The following CX3CL1 variants were observed in gnomAD, a reference collection of about 807,000 sequenced individuals.
CX3CL1 encodes the protein C-X3-C motif chemokine ligand 1.
In CX3CL1, 1 loss-of-function variant was observed where a neutral mutation model predicts 14.1. That is an observed-to-expected ratio of 0.07 (90% confidence interval 0.03 to 0.34). The LOEUF is 0.34. CX3CL1 is among the 10% of genes least tolerant of loss of function. The probability of loss-of-function intolerance (pLI) is 0.99; values close to 1 mark genes in which losing one functional copy is unlikely to be tolerated. For missense variants in CX3CL1, 505 were observed against 536.4 expected, an observed-to-expected ratio of 0.94 and a Z score of 0.58; for synonymous variants, 255 against 229.6, an observed-to-expected ratio of 1.11 and a Z score of -1.00.
intron 2 of CX3CL1, 56 bp downstream of exon 2, chr16:57,379,810 A>C: frequency 6.9e-6 from 11 of 1,597,810 alleles, no homozygotes; most frequent in Non-Finnish European, 9.4e-6. Context: ...GAATATTCCC[A>C]GACCTCTGAG....
In CX3CL1 at chr16:57,382,762, C is replaced by G; in HGVS notation, c.924C>G (p.Thr308=). 1.2e-6 allele frequency: 2 copies of G among 1,611,306 alleles called. No individual in the cohort carries two copies. Among genetic ancestry groups the G allele is most frequent in the Non-Finnish European group, 1.7e-6 (2 of 1,179,444 alleles). The part of the protein sequence containing the change: ...SREPVASGSW[T]PKAEEPIHAT... ...AGCCAGTGGCTTCAGGCAGCTGGAC[C>G]CCTAAGGCTGAGGAACCCATCCATG... The change falls in exon 3 of 3, where the codon ACC becomes ACG. Residue 308 remains threonine (T), a synonymous_variant. Transcript: ENST00000006053. The surrounding 1 kb of genome is among the most constrained non-coding windows in gnomAD (Gnocchi z 6.9).
At chr16:57,373,822 G>A (rs1202483684) in intron 1 of CX3CL1, among the ~76,000 whole-genome samples, 1 of 152,150 alleles carries the variant, frequency 6.6e-6, no homozygotes, top group East Asian at 1.9e-4. Context: ...GCCTCCTCTG[G>A]TCCCAGTTGC....
chr16:57,382,758 G>T lies in CX3CL1; in HGVS notation c.920G>T (p.Trp307Leu). 3.7e-6 allele frequency: 6 copies of T among 1,611,588 alleles called. No individual in the cohort carries two copies. The highest frequency in any genetic ancestry group is 5.1e-6 in the Non-Finnish European group (6 of 1,179,670). ...AGGGAGCCAGTGGCTTCAGGCAGCT[G>T]GACCCCTAAGGCTGAGGAACCCATC... ...PSREPVASGS[W>L]TPKAEEPIHA... is the part of the protein sequence containing the mutation. Residue 307 changes from tryptophan (W) to leucine (L), a missense_variant, in exon 3 of 3, where the codon TGG becomes TTG. Physicochemically the swap from Trp to Leu is moderately conservative, Grantham distance 61 (BLOSUM62 -2). Transcript: ENST00000006053. The surrounding 1 kb of genome is among the most constrained non-coding windows in gnomAD (Gnocchi z 6.9).
chr16:57,379,551 T>C, intron 1 of CX3CL1, 83 bp from the exon 2 acceptor site: 1 of 1,569,716 alleles, frequency 6.4e-7, no homozygotes, highest in Non-Finnish European at 8.7e-7. Flanking sequence ...GCTTGGGTGG[T>C]GTGGCCGGGA....
intron 2 of CX3CL1, 73 bp from the exon 3 acceptor site, chr16:57,381,957 G>A: frequency 1.4e-6 from 2 of 1,470,532 alleles, no homozygotes; most frequent in South Asian, 1.3e-5. Flanking sequence ...TATTGGTGCT[G>A]TGCCCCCACA....
intron 2 of CX3CL1, among the ~76,000 whole-genome samples, chr16:57,380,333 G>A (rs902626759): frequency 1.3e-5 from 2 of 152,188 alleles, no homozygotes; most frequent in African/African-American, 4.8e-5. Flanking sequence ...CGAGGTTGGT[G>A]GATCACTTGA....
Position 57,382,109 on chromosome 16 carries a change from C to A in CX3CL1, c.271C>A (p.Arg91Ser), listed in dbSNP as rs200050506. The change falls in exon 3 of 3, where the codon CGC becomes AGC. Residue 91 changes from arginine (R) to serine (S), a missense_variant. Transcript: ENST00000006053. This position sits in a 1 kb window ranked among gnomAD's most constrained non-coding sequence, Gnocchi z 6.9. The stretch of plus-strand genomic sequence containing the variant: ...CAAGGACGCGATGCAGCATCTGGAC[C>A]GCCAGGCTGCTGCCCTAACTCGAAA... ...WVKDAMQHLDRQAAALTRNGG... is the reference protein window; with the variant it reads ...WVKDAMQHLDSQAAALTRNGG... 1.8e-5 allele frequency: 29 copies of A among 1,613,996 alleles called. No homozygotes were observed. The Admixed American group carries it at 3.5e-4, about 19-fold the overall frequency.
chr16:57,378,520 G>C (rs1308675456), intron 1 of CX3CL1: 1 of 150,592 alleles, frequency 6.6e-6, no homozygotes, highest in East Asian at 2.0e-4. Flanking sequence ...CTTTAGTGCA[G>C]TGGTATGATC....
chr16:57,382,401 T>C lies in CX3CL1; in HGVS notation c.563T>C (p.Val188Ala), dbSNP rs1334158858. 5 of 1,612,012 alleles carry C rather than the reference T, an allele frequency of 3.1e-6. No homozygotes were observed. In the African/African-American group the frequency reaches 6.7e-5, roughly 22 times the overall value. Residue 188 changes from valine (V) to alanine (A), a missense_variant, in exon 3 of 3, where the codon GTG becomes GCG. Val to Ala is a moderately conservative substitution (Grantham distance 64, BLOSUM62 0). Coordinates refer to ENST00000006053, the MANE Select transcript of CX3CL1 (RefSeq NM_002996.6). The surrounding 1 kb of genome is among the most constrained non-coding windows in gnomAD (Gnocchi z 6.9). ...GGPVGTELFR[V>A]PPVSTAATWQ... ...CCTGTGGGCACGGAGCTTTTCCGAG[T>C]GCCTCCCGTCTCCACTGCCGCCACG...
chr16:57,377,820 G>A (rs1044758786), intron 1 of CX3CL1: 2 of 152,086 alleles, frequency 1.3e-5, no homozygotes, highest in Non-Finnish European at 2.9e-5. Flanking sequence ...CCTTGACTCA[G>A]ATCTGAAACT....
In CX3CL1 at chr16:57,384,539, C is replaced by A; in HGVS notation, c.*1507C>A. 6.6e-6 allele frequency: 1 copy of A among 152,472 alleles called. No homozygotes were observed. The highest frequency in any genetic ancestry group is 1.5e-5 in the Non-Finnish European group (1 of 68,182). 9.4% of individuals were successfully genotyped at this position (152,472 alleles called of 1,614,324 possible). A position where few individuals can be genotyped will look rare whatever the true frequency, so the allele number is the denominator to read the frequency against. On this transcript the variant is annotated 3_prime_UTR_variant, in exon 3 of 3. Coordinates refer to ENST00000006053, the MANE Select transcript of CX3CL1 (RefSeq NM_002996.6). ...GATTGTCCCCGACCCTTGCCGTCTA[C>A]CTGAGGGGCCTCTTATGGGCTGGGT... is the stretch of plus-strand genomic sequence containing the variant.
At chr16:57,380,065 C>T (rs776579001) in intron 2 of CX3CL1, among the ~76,000 whole-genome samples, 11 of 152,316 alleles carry the variant, frequency 7.2e-5, no homozygotes, top group East Asian at 1.9e-4. Flanking sequence ...ACCCCACACT[C>T]GAACCCACTA....
Position 57,382,335 on chromosome 16 carries a change from G to A in CX3CL1, c.497G>A (p.Gly166Glu), listed in dbSNP as rs1190884327. ...CCGACGGGCGTGACTGGTTCCTCAG[G>A]GACCAGGCTCCCCCCGACGCCAAAG... The part of the protein sequence containing the change: ...ELPTGVTGSS[G>E]TRLPPTPKAQ... Residue 166 changes from glycine (G) to glutamate (E), a missense_variant, in exon 3 of 3, where the codon GGG becomes GAG. Coordinates refer to ENST00000006053, the MANE Select transcript of CX3CL1 (RefSeq NM_002996.6). This position sits in a 1 kb window ranked among gnomAD's most constrained non-coding sequence, Gnocchi z 6.9. 5.6e-6 allele frequency: 9 copies of A among 1,604,026 alleles called. No homozygotes were observed. The highest frequency in any genetic ancestry group is 1.7e-5 in the Admixed American group (1 of 59,196).
chr16:57,374,263 T>C (rs1397813963), intron 1 of CX3CL1, among the ~76,000 whole-genome samples: 1 of 147,060 alleles, frequency 6.8e-6, no homozygotes, highest in Non-Finnish European at 1.5e-5. Context: ...GGCTGGGGGG[T>C]TCGTAGCTGC....
chr16:57,375,272 G>A (rs1268818801), intron 1 of CX3CL1, among the ~76,000 whole-genome samples: 44 of 152,202 alleles, frequency 2.9e-4, no homozygotes, highest in Non-Finnish European at 2.9e-5. Context: ...GCGGGGTGAG[G>A]GCGGGAGCCA....
At chr16:57,381,488 CAA>C (rs1346911237) in intron 2 of CX3CL1, among the ~76,000 whole-genome samples, 1 of 152,116 alleles carries the variant, frequency 6.6e-6, no homozygotes, top group Non-Finnish European at 1.5e-5. Context: ...ACAAGACTCA[CAA>C]AGTCTCATAA....
In CX3CL1 at chr16:57,382,982, T is replaced by C. The variant is rs772370564; in HGVS notation, c.1144T>C (p.Tyr382His). 3.2e-5 allele frequency: 48 copies of C among 1,504,946 alleles called. No homozygotes were observed. Among genetic ancestry groups the C allele is most frequent in the Non-Finnish European group, 3.9e-5 (44 of 1,124,712 alleles). The allele number at this position is 1,504,946 out of a possible 1,614,324, so 93.2% of individuals were successfully genotyped here. Residue 382 changes from tyrosine (Y) to histidine (H), a missense_variant, in exon 3 of 3, where the codon TAC (tyrosine) becomes CAC (histidine). Physicochemically the swap from Tyr to His is moderately conservative, Grantham distance 83 (BLOSUM62 2). Coordinates refer to ENST00000006053, the MANE Select transcript of CX3CL1 (RefSeq NM_002996.6). The surrounding 1 kb of genome is among the most constrained non-coding windows in gnomAD (Gnocchi z 6.9). ...AGGAGAGATGGCGGAGGGCCTTCGCTACATCCCCCGGAGCTGTGGTAGTAA... is the reference window on the plus strand; with the variant it reads ...AGGAGAGATGGCGGAGGGCCTTCGCCACATCCCCCGGAGCTGTGGTAGTAA... Reference protein sequence around the residue: ...MAGEMAEGLRYIPRSCGSNSY... With the variant: ...MAGEMAEGLRHIPRSCGSNSY...
chr16:57,382,736 G>C lies in CX3CL1; in HGVS notation c.898G>C (p.Glu300Gln). The C allele has an allele frequency of 6.2e-7, 1 of 1,612,676 alleles. No homozygotes were observed. Among genetic ancestry groups the C allele is most frequent in the Non-Finnish European group, 8.5e-7 (1 of 1,179,706 alleles). ...CTCCTCAGAAGGGACCCCCAGCAGG[G>C]AGCCAGTGGCTTCAGGCAGCTGGAC... ...PVSSEGTPSR[E>Q]PVASGSWTPK... The change falls in exon 3 of 3, where the codon GAG becomes CAG. Residue 300 changes from glutamate to glutamine, a missense_variant. By Grantham distance (29) the Glu-to-Gln change is conservative (BLOSUM62 2). Transcript: ENST00000006053. The surrounding 1 kb of genome is among the most constrained non-coding windows in gnomAD (Gnocchi z 6.9).
Position 57,379,673 on chromosome 16 carries a change from G to A in CX3CL1, c.110G>A (p.Ser37Asn), listed in dbSNP as rs531499024. Residue 37 changes from serine (S) to asparagine (N), a missense_variant, in exon 2 of 3, where the codon AGC (serine) becomes AAC (asparagine). Coordinates refer to ENST00000006053, the MANE Select transcript of CX3CL1 (RefSeq NM_002996.6). ...GTGACGAAATGCAACATCACGTGCA[G>A]CAAGATGACATCAAAGATACCTGTA... is the stretch of plus-strand genomic sequence containing the variant. ...HGVTKCNITCSKMTSKIPVAL... is the reference protein window; with the variant it reads ...HGVTKCNITCNKMTSKIPVAL... 3 of 1,614,228 alleles carry A rather than the reference G, an allele frequency of 1.9e-6. No individual in the cohort carries two copies. Among genetic ancestry groups the A allele is most frequent in the African/African-American group, 2.7e-5 (2 of 75,066 alleles).
Sources: gnomAD v4.1 joint callset for allele counts (sites outside exome capture counted in the v4.1 genomes callset) on GRCh38, gnomAD v4.1.1 for gene constraint, Gnocchi (gnomAD v3.1) non-coding constraint, MANE v1.5 for transcripts, NCBI Gene and HGNC (gene_info 2026-07-23, HGNC 2026-07-21) for gene names.